The following PSMA3 variants were observed in gnomAD, a reference collection of about 807,000 sequenced individuals.
PSMA3 encodes proteasome 20S subunit alpha 3, also known as proteasome subunit alpha type-3.
Under a neutral mutation model 40.0 loss-of-function variants are expected in PSMA3, and 8 were observed. The observed-to-expected ratio is 0.20, with a 90% CI of 0.12 to 0.36. PSMA3 has a LOEUF of 0.36. Among genes scored for constraint, PSMA3 ranks in the 10% least tolerant of loss-of-function variants. PSMA3 has a pLI of 1.00. For missense variants in PSMA3, 219 were observed against 310.6 expected, an observed-to-expected ratio of 0.70 and a Z score of 2.22; for synonymous variants, 110 against 100.0, an observed-to-expected ratio of 1.10 and a Z score of -0.59.
At chr14:58,252,821 G>GA (rs11445029) in intron 3 of PSMA3, among the ~76,000 whole-genome samples, 78,118 of 138,164 alleles carry the variant, frequency 0.57, 21,185 homozygotes, top group Middle Eastern at 0.69. Context: ...ACTACTGAAA[G>GA]AAAAAAAAAA....
At chr14:58,258,234 A>G (rs1890192724) in intron 5 of PSMA3, 4 of 434,984 alleles carry the variant, frequency 9.2e-6, no homozygotes, top group Non-Finnish European at 1.7e-5. Flanking sequence ...GCCCAGGAGT[A>G]TGAGACCAGC....
At chr14:58,258,144 G>T (rs533789949) in intron 5 of PSMA3, 146 bp downstream of exon 5, 7 of 624,518 alleles carry the variant, frequency 1.1e-5, no homozygotes, top group Admixed American at 2.6e-5. Context: ...AGTGTACATA[G>T]AAACTACTTG....
At chr14:58,263,540 T>C (rs961997575) in intron 6 of PSMA3, 165 bp from the exon 7 acceptor site, 6 of 493,904 alleles carry the variant, frequency 1.2e-5, no homozygotes, top group African/African-American at 2.0e-5. Context: ...TTTTAGTATT[T>C]TTGAGCCCTT....
At chr14:58,267,131 C>T (rs1463438489) in intron 7 of PSMA3, 1 of 158,428 alleles carries the variant, frequency 6.3e-6, no homozygotes, top group Non-Finnish European at 1.4e-5. Context: ...TCCCGAGTAG[C>T]TAGGGTTACA....
intron 10 of PSMA3, 46 bp downstream of exon 10, chr14:58,271,044 A>C: frequency 2.1e-6 from 3 of 1,459,362 alleles, no homozygotes; most frequent in Non-Finnish European, 2.9e-6. Context: ...ACAGTCAGGG[A>C]ATCACTTAGC....
At chr14:58,270,665 A>G (rs1229239682) in intron 9 of PSMA3, among the ~76,000 whole-genome samples, 180 bp downstream of exon 9, 1 of 152,214 alleles carries the variant, frequency 6.6e-6, no homozygotes, top group Non-Finnish European at 1.5e-5. Flanking sequence ...TGAAACATCC[A>G]TTTCATGGTT....
chr14:58,262,360 C>T (rs1566642421), intron 6 of PSMA3, among the ~76,000 whole-genome samples: 1 of 152,076 alleles, frequency 6.6e-6, no homozygotes, highest in Non-Finnish European at 1.5e-5. Flanking sequence ...CATGCATCAC[C>T]ACACCCGGCT....
chr14:58,245,200 T>A (rs1251695357), intron 1 of PSMA3: 4 of 508,660 alleles, frequency 7.9e-6, no homozygotes, highest in Non-Finnish European at 1.4e-5. Flanking sequence ...TGGAGCCGCT[T>A]TGGATTGCTG....
intron 5 of PSMA3, among the ~76,000 whole-genome samples, chr14:58,258,770 G>A (rs1030144157): frequency 6.6e-6 from 1 of 151,848 alleles, no homozygotes; most frequent in African/African-American, 2.4e-5. Context: ...AGACATGTTT[G>A]GCTTATGACT....
At chr14:58,245,007 G>C in intron 1 of PSMA3, 66 bp downstream of exon 1, 1 of 1,609,926 alleles carries the variant, frequency 6.2e-7, no homozygotes, top group Non-Finnish European at 8.5e-7. Flanking sequence ...AACTCGGACA[G>C]ACCACATGGG....
Position 58,257,770 on chromosome 14 carries a change from C to G in PSMA3, c.254C>G (p.Ala85Gly). The G allele has an allele frequency of 1.2e-6, 2 of 1,611,788 alleles. No individual in the cohort carries two copies. Among genetic ancestry groups the G allele is most frequent in the South Asian group, 2.2e-5 (2 of 90,970 alleles). Residue 85 changes from alanine (A) to glycine (G), a missense_variant, in exon 4 of 11, where the codon GCT (alanine) becomes GGT (glycine). Ala to Gly is a moderately conservative substitution (Grantham distance 60). Transcript: ENST00000216455. ...GMAVAGLLAD[A>G]RSLADIAREE... is the part of the protein sequence containing the mutation. Reference sequence around the variant, plus strand: ...GCAGTAGCAGGTTTGTTGGCAGATGCTCGTTCTTTAGCAGACATAGCAAGA... The same window carrying G: ...GCAGTAGCAGGTTTGTTGGCAGATGGTCGTTCTTTAGCAGACATAGCAAGA...
At chr14:58,249,864 C>T (rs185865403) in intron 2 of PSMA3, among the ~76,000 whole-genome samples, 8 of 152,284 alleles carry the variant, frequency 5.3e-5, no homozygotes, top group Non-Finnish European at 1.0e-4. Context: ...GAAAGGATTT[C>T]AGAGATTTCC....
At chr14:58,267,383 T>A in intron 7 of PSMA3, 91 bp from the exon 8 acceptor site, 4 of 1,316,632 alleles carry the variant, frequency 3.0e-6, no homozygotes, top group Non-Finnish European at 3.9e-6. Context: ...TTATTTTCCT[T>A]GGTTTTATAT....
intron 6 of PSMA3, among the ~76,000 whole-genome samples, chr14:58,262,488 G>C (rs112818070): frequency 6.6e-6 from 1 of 151,966 alleles, no homozygotes; most frequent in South Asian, 2.1e-4. Context: ...TTATAGGTGT[G>C]AGCCACCTTG....
intron 3 of PSMA3, among the ~76,000 whole-genome samples, chr14:58,255,127 A>C (rs899839980): frequency 2.6e-5 from 4 of 151,414 alleles, no homozygotes; most frequent in African/African-American, 9.7e-5. Flanking sequence ...TAATGGTTTC[A>C]TTTATTAAGT....
At chr14:58,254,483 G>T (rs1594825976) in intron 3 of PSMA3, among the ~76,000 whole-genome samples, 1 of 150,332 alleles carries the variant, frequency 6.7e-6, no homozygotes, top group Non-Finnish European at 1.5e-5. Context: ...GACTACAAGT[G>T]TGCCATCACA....
chr14:58,265,079 GA>G (rs1566643593), intron 7 of PSMA3: 3 of 152,296 alleles, frequency 2.0e-5, no homozygotes, highest in Admixed American at 6.5e-5. Context: ...CTGGGCAAAA[GA>G]GTAAGACCCT....
At chr14:58,248,457 T>A (rs767444646) in intron 2 of PSMA3, among the ~76,000 whole-genome samples, 1 of 151,462 alleles carries the variant, frequency 6.6e-6, no homozygotes, top group Non-Finnish European at 1.5e-5. Flanking sequence ...CTCAAACCCC[T>A]GGCCTCAAGT....
At chr14:58,253,318 A>G (rs1212881100) in intron 3 of PSMA3, among the ~76,000 whole-genome samples, 3 of 152,076 alleles carry the variant, frequency 2.0e-5, no homozygotes, top group South Asian at 2.1e-4. Context: ...GAAAAAACAG[A>G]TGCACAGCAA....
Sources: allele counts gnomAD v4.1 joint callset (sites outside exome capture counted in the v4.1 genomes callset), GRCh38; gene constraint gnomAD v4.1.1; transcripts MANE v1.5; gene names NCBI Gene and HGNC (gene_info 2026-07-23, HGNC 2026-07-21).